Variants in BMP5 observed in about 807,000 individuals in gnomAD.
BMP5 encodes bone morphogenetic protein 5.
BMP5 carries 23 observed loss-of-function variants against 46.6 expected under a neutral mutation model. That is an observed-to-expected ratio of 0.49 (90% CI 0.35 to 0.70). The LOEUF is 0.70. Ranked by LOEUF, BMP5 falls within the 30% of genes least tolerant of loss-of-function variation. The pLI is 0.00. For missense variants in BMP5, 545 were observed against 565.6 expected (o/e 0.96, Z 0.37); for synonymous variants, 204 against 191.9 (o/e 1.06, Z -0.52).
intron 1 of BMP5, among the ~76,000 whole-genome samples, chr6:55,836,255 A>G: frequency 6.6e-6 from 1 of 152,174 alleles, no homozygotes; most frequent in East Asian, 1.9e-4. Flanking sequence ...ATCAATAACT[A>G]CTGTTCAGAC....
At chr6:55,803,087 A>C (rs1424246829) in intron 2 of BMP5, among the ~76,000 whole-genome samples, 2 of 145,412 alleles carry the variant, frequency 1.4e-5, no homozygotes, top group South Asian at 2.2e-4. Context: ...GGAGTTCGAG[A>C]CCAGCCTGGC....
chr6:55,857,567 A>T lies in BMP5; in HGVS notation c.490+16809T>A, dbSNP rs143107359. Among the ~76,000 whole-genome samples the T allele has an allele frequency of 1.1e-3, 173 of 152,348 alleles. 1 individual carries two copies. Among genetic ancestry groups the T allele is most frequent in the African/African-American group, 3.9e-3 (164 of 41,588 alleles). Reference sequence around the variant, plus strand: ...TGCCGATGGCAAAAAGTTCCAAAACATCTTGAGATTCCATGAAAAGAAATG... The same window carrying T: ...TGCCGATGGCAAAAAGTTCCAAAACTTCTTGAGATTCCATGAAAAGAAATG... On this transcript the variant is annotated intron_variant, in intron 1 of 6. Coordinates refer to ENST00000370830, the MANE Select transcript of BMP5 (RefSeq NM_021073.4).
chr6:55,874,163 A>T (rs1582137726), intron 1 of BMP5, among the ~76,000 whole-genome samples: 1 of 152,036 alleles, frequency 6.6e-6, no homozygotes, highest in African/African-American at 2.4e-5. Context: ...AAAGACCCAC[A>T]CTATAAGTGT....
intron 2 of BMP5, among the ~76,000 whole-genome samples, chr6:55,803,386 A>G (rs1226699879): frequency 6.6e-6 from 1 of 152,106 alleles, no homozygotes; most frequent in African/African-American, 2.4e-5. Context: ...ACAAGGATGG[A>G]CTGTTGTGAC....
chr6:55,858,069 A>G (rs550413308), intron 1 of BMP5, among the ~76,000 whole-genome samples: 3 of 152,318 alleles, frequency 2.0e-5, no homozygotes, highest in African/African-American at 7.2e-5. Context: ...TAAATGAGGT[A>G]TTACATCTCT....
At chr6:55,785,298 A>G (rs948214477) in intron 3 of BMP5, among the ~76,000 whole-genome samples, 1 of 151,858 alleles carries the variant, frequency 6.6e-6, no homozygotes, top group South Asian at 2.1e-4. Context: ...AAATACATGG[A>G]GTATATTTTA....
At chr6:55,817,936 G>T (rs755154619) in intron 2 of BMP5, among the ~76,000 whole-genome samples, 8 of 152,094 alleles carry the variant, frequency 5.3e-5, no homozygotes, top group Non-Finnish European at 1.0e-4. Flanking sequence ...ATGGTCTTCT[G>T]TGGTTGCAAT....
rs550183317 is a variant in BMP5, at chr6:55,864,271, G to A, written c.490+10105C>T. 9.1e-4 allele frequency among the ~76,000 whole-genome samples: 138 copies of A among 152,240 alleles called. 2 individuals are homozygous for A. The South Asian group carries it at 0.027, about 30-fold the overall frequency. On this transcript the variant is annotated intron_variant, in intron 1 of 6. Coordinates refer to ENST00000370830, the MANE Select transcript of BMP5 (RefSeq NM_021073.4). ...GTATGTCCTCTCCTAAGCTCATGTT[G>A]AAAGTTGATTCCCAATATGGCAGCG...
chr6:55,780,464 A>AAAAG (rs1775285196), intron 3 of BMP5, among the ~76,000 whole-genome samples: 1 of 145,040 alleles, frequency 6.9e-6, no homozygotes, highest in Admixed American at 6.9e-5. Context: ...ACTAAAAAAA[A>AAAAG]AAAAAAAAAG....
Position 55,874,499 on chromosome 6 carries a change from A to T in BMP5, c.367T>A (p.Tyr123Asn). 1.9e-6 allele frequency: 3 copies of T among 1,613,438 alleles called. No individual in the cohort carries two copies. The highest frequency in any genetic ancestry group is 2.5e-6 in the Non-Finnish European group (3 of 1,179,636). ...CGAGATAACTGTATGCGACGAGGAT[A>T]CCCATTGGGAGAGGCTGGGTATCCC... is the stretch of plus-strand genomic sequence containing the variant. ...RKGYPASPNG[Y>N]PRRIQLSRTT... The change falls in exon 1 of 7, where the codon TAT (tyrosine) becomes AAT (asparagine). Residue 123 changes from tyrosine (Y) to asparagine (N), a missense_variant. Tyr to Asn is a moderately radical substitution (Grantham distance 143). Transcript: ENST00000370830.
intron 1 of BMP5, among the ~76,000 whole-genome samples, chr6:55,853,904 C>A (rs1013841540): frequency 1.3e-5 from 2 of 152,116 alleles, no homozygotes; most frequent in African/African-American, 4.8e-5. Flanking sequence ...GACTTAGAGA[C>A]ACAAATACTA....
At chr6:55,854,066 C>T (rs1317717688) in intron 1 of BMP5, among the ~76,000 whole-genome samples, 1 of 152,012 alleles carries the variant, frequency 6.6e-6, no homozygotes, top group Non-Finnish European at 1.5e-5. Flanking sequence ...TCCAAAGAAA[C>T]AATGACAGAC....
At chr6:55,804,286 A>G (rs1775932960) in intron 2 of BMP5, among the ~76,000 whole-genome samples, 1 of 152,212 alleles carries the variant, frequency 6.6e-6, no homozygotes, top group Non-Finnish European at 1.5e-5. Context: ...GACACACAGA[A>G]GGAAGAGAGC....
chr6:55,786,122 T>C (rs1408925089), intron 3 of BMP5, among the ~76,000 whole-genome samples: 5 of 151,736 alleles, frequency 3.3e-5, no homozygotes, highest in Non-Finnish European at 5.9e-5. Context: ...CTTTACCAGT[T>C]TCTCCATCAC....
chr6:55,761,125 C>A (rs1774765851), intron 4 of BMP5, among the ~76,000 whole-genome samples: 1 of 151,894 alleles, frequency 6.6e-6, no homozygotes, highest in Non-Finnish European at 1.5e-5. Context: ...CAACAAGAAT[C>A]AAAATAGTTC....
intron 1 of BMP5, among the ~76,000 whole-genome samples, chr6:55,843,030 T>C (rs1164318043): frequency 6.6e-6 from 1 of 152,122 alleles, no homozygotes; most frequent in Non-Finnish European, 1.5e-5. Context: ...TAAACATCAC[T>C]AAATCTCCCT....
intron 1 of BMP5, among the ~76,000 whole-genome samples, chr6:55,861,292 G>A (rs998975412): frequency 6.6e-6 from 1 of 152,202 alleles, no homozygotes; most frequent in African/African-American, 2.4e-5. Context: ...TTAGCAGCAT[G>A]GCAGCCCTGC....
intron 1 of BMP5, among the ~76,000 whole-genome samples, chr6:55,865,943 A>T (rs1399652483): frequency 6.6e-6 from 1 of 152,164 alleles, no homozygotes. Context: ...CTGAAACCCT[A>T]CTAAAACAGT....
intron 1 of BMP5, among the ~76,000 whole-genome samples, chr6:55,825,659 G>C (rs1022837825): frequency 6.6e-6 from 1 of 151,604 alleles, no homozygotes; most frequent in Non-Finnish European, 1.5e-5. Flanking sequence ...ATCACTAATA[G>C]AAACTGGATG....
Sources: gnomAD v4.1 joint callset for allele counts (sites outside exome capture counted in the v4.1 genomes callset) on GRCh38, gnomAD v4.1.1 for gene constraint, MANE v1.5 for transcripts, NCBI Gene and HGNC (gene_info 2026-07-23, HGNC 2026-07-21) for gene names.